EXOC7: variants seen among roughly 807,000 people sequenced by gnomAD.
EXOC7 encodes the protein exocyst complex component 7, also known as exocyst complex component Exo70.
A neutral mutation model predicts 87.6 loss-of-function variants in EXOC7; 51 were observed. The ratio of observed to expected loss-of-function variants is 0.58; its 90% CI spans 0.46 to 0.73. The LOEUF (loss-of-function observed/expected upper bound fraction) is 0.73. Ranked by LOEUF, EXOC7 falls within the 30% of genes least tolerant of loss-of-function variation. The pLI is 0.00. For missense variants in EXOC7, 744 were observed against 888.4 expected (o/e 0.84, Z 2.07); for synonymous variants, 327 against 357.1 (o/e 0.92, Z 0.95).
rs1420200855 is a variant in EXOC7, at chr17:76,081,698, C to T, written c.*1950G>A. On this transcript the variant is annotated 3_prime_UTR_variant, in exon 19 of 19. Transcript: ENST00000589210. The stretch of plus-strand genomic sequence containing the variant: ...GACATTGCTGCTGAGTTACCTCGTC[C>T]TCCACTCCTCCCTGGTGCAGGCCCT... The T allele has an allele frequency of 1.2e-6, 2 of 1,614,138 alleles. No homozygotes were observed. Among genetic ancestry groups the T allele is most frequent in the Non-Finnish European group, 1.7e-6 (2 of 1,180,026 alleles).
chr17:76,094,671 C>G lies in EXOC7; in HGVS notation c.641-90G>C, dbSNP rs567446439. 1.2e-5 allele frequency: 16 copies of G among 1,353,076 alleles called. No individual in the cohort carries two copies. The East Asian group carries it at 3.7e-4, about 31-fold the overall frequency. The allele number at this position is 1,353,076 out of a possible 1,614,324, so 83.8% of individuals were successfully genotyped here. On this transcript the variant is annotated intron_variant, in intron 5 of 18. Transcript: ENST00000589210. ...ATGTCTACCTGTCAAACCTGTCAAC[C>G]CTTCTTAGCATCTGCTCCCTGCTCT...
chr17:76,090,769 T>C, intron 7 of EXOC7: 1 of 514,908 alleles, frequency 1.9e-6, no homozygotes, highest in Non-Finnish European at 3.5e-6. Context: ...CTGCACACAC[T>C]CCCCTTTCTA....
Position 76,087,811 on chromosome 17 carries a change from C to T in EXOC7, c.1363-91G>A, listed in dbSNP as rs553983443. 5.7e-6 allele frequency: 8 copies of T among 1,404,392 alleles called. No homozygotes were observed. The South Asian group carries it at 9.9e-5, about 17-fold the overall frequency. 87.0% of individuals were successfully genotyped at this position (1,404,392 alleles called of 1,614,324 possible). On this transcript the variant is annotated intron_variant, in intron 11 of 18. Coordinates refer to ENST00000589210, the MANE Select transcript of EXOC7 (RefSeq NM_001013839.4). ...CCCCTCTGAGTGCCCAGGGCCAGCC[C>T]AGGGCTGGGATCCGCCCAGTGAAGA...
At chr17:76,086,953 G>A (rs2067239727) in intron 12 of EXOC7, 1 of 1,465,958 alleles carries the variant, frequency 6.8e-7, no homozygotes, top group Non-Finnish European at 9.3e-7. Context: ...GAGGGAGAAA[G>A]ATGCAAAGTG....
At chr17:76,084,417 C>T in intron 16 of EXOC7, 100 bp downstream of exon 16, 1 of 1,564,734 alleles carries the variant, frequency 6.4e-7, no homozygotes, top group African/African-American at 1.3e-5. Context: ...ATCCTTTGCT[C>T]TCTGATCCCA....
intron 6 of EXOC7, 113 bp downstream of exon 6, chr17:76,094,301 C>A: frequency 8.1e-7 from 1 of 1,231,882 alleles, no homozygotes; most frequent in Non-Finnish European, 1.1e-6. Context: ...TCGGGGTTAC[C>A]ACGACGACAA....
intron 7 of EXOC7, chr17:76,090,859 A>C: frequency 3.8e-6 from 2 of 532,488 alleles, no homozygotes; most frequent in Non-Finnish European, 6.7e-6. Context: ...CCCCAAGACA[A>C]ATAACTTTTT....
intron 7 of EXOC7, 78 bp from the exon 8 acceptor site, chr17:76,089,398 G>C (rs752261727): frequency 1.8e-4 from 286 of 1,563,788 alleles, no homozygotes; most frequent in Non-Finnish European, 2.4e-4. Context: ...GGGTCCCCCA[G>C]CTCCTGGCCT....
At position 76,082,007 on chromosome 17, in the gene EXOC7, G is replaced by T. The variant is rs1437638243; in HGVS notation, c.*1641C>A. 2.5e-6 allele frequency: 4 copies of T among 1,611,542 alleles called. No homozygotes were observed. Among genetic ancestry groups the T allele is most frequent in the South Asian group, 1.1e-5 (1 of 90,944 alleles). The stretch of plus-strand genomic sequence containing the variant: ...CGGCCCCAGCCCAGCCCCGAGAGGG[G>T]AACAGCGAGAGCACGGCAACCCAGG... On this transcript the variant is annotated 3_prime_UTR_variant, in exon 19 of 19. Coordinates refer to ENST00000589210, the MANE Select transcript of EXOC7 (RefSeq NM_001013839.4).
Position 76,084,241 on chromosome 17 carries a change from G to A in EXOC7, c.1818+7C>T, listed in dbSNP as rs118102690. 14,886 of 1,611,834 alleles carry A rather than the reference G, an allele frequency of 9.2e-3. 100 individuals carry two copies. Among genetic ancestry groups the A allele is most frequent in the Non-Finnish European group, 0.011 (12,395 of 1,178,620 alleles). On this transcript the variant is annotated splice_region_variant and intron_variant, in intron 17 of 18. Coordinates refer to ENST00000589210, the MANE Select transcript of EXOC7 (RefSeq NM_001013839.4). ...CAAGCAGTGGAGGGGAGAGGACCCC[G>A]ACTCACCTTAAAACGCTCCTTGATA... is the stretch of plus-strand genomic sequence containing the variant.
rs759896218 is a variant in EXOC7 at position 76,081,418 on chromosome 17, A to C, written c.*2230T>G. The C allele has an allele frequency of 6.2e-7, 1 of 1,613,834 alleles. No homozygotes were observed. Among genetic ancestry groups the C allele is most frequent in the Non-Finnish European group, 8.5e-7 (1 of 1,179,912 alleles). On this transcript the variant is annotated 3_prime_UTR_variant, in exon 19 of 19. Transcript: ENST00000589210. ...CCAGGTGACGGTGAGTCAAGTCGGG[A>C]GGAGGCCGACAGAGGGCTGCTGGAG...
At chr17:76,085,977 T>G in intron 13 of EXOC7, 103 bp downstream of exon 13, 1 of 1,522,518 alleles carries the variant, frequency 6.6e-7, no homozygotes, top group Non-Finnish European at 8.9e-7. Context: ...CAGATGGCAC[T>G]TAGGAGAGGG....
chr17:76,096,196 CA>C (rs1366742458), intron 5 of EXOC7, among the ~76,000 whole-genome samples: 3 of 152,108 alleles, frequency 2.0e-5, no homozygotes, highest in Non-Finnish European at 4.4e-5. Flanking sequence ...TACACACAAA[CA>C]AAGAGAAGAG....
chr17:76,103,477 A>T (rs2144721671), intron 1 of EXOC7, 51 bp from the exon 2 acceptor site: 1 of 1,559,710 alleles, frequency 6.4e-7, no homozygotes, highest in East Asian at 2.3e-5. Flanking sequence ...GCTAAAGGAG[A>T]CCACTGCGTC....
At chr17:76,099,958 T>C (rs1214169016) in intron 4 of EXOC7, among the ~76,000 whole-genome samples, 3 of 152,018 alleles carry the variant, frequency 2.0e-5, no homozygotes, top group Non-Finnish European at 4.4e-5. Context: ...AAAACTTAGC[T>C]GGGTATGGTT....
rs201743900 is a variant in EXOC7, at chr17:76,089,300, C to T, written c.922G>A (p.Val308Met). 21 of 1,614,054 alleles carry T rather than the reference C, an allele frequency of 1.3e-5. No individual in the cohort carries two copies. Among genetic ancestry groups the T allele is most frequent in the Admixed American group, 1.2e-4 (7 of 60,022 alleles). Residue 308 changes from valine (V) to methionine (M), a missense_variant, in exon 8 of 19, where the codon GTG (valine) becomes ATG (methionine). Physicochemically the swap from Val to Met is conservative, Grantham distance 21 (BLOSUM62 1). Coordinates refer to ENST00000589210, the MANE Select transcript of EXOC7 (RefSeq NM_001013839.4). ...PLEGRDDMLD[V>M]ETDAYIHCVS... is the part of the protein sequence containing the mutation. ...CAGTGGATGTAGGCATCGGTCTCCACGTCCAGCATGTCATCTCTCCCTGGG... is the reference window on the plus strand; with the variant it reads ...CAGTGGATGTAGGCATCGGTCTCCATGTCCAGCATGTCATCTCTCCCTGGG...
In EXOC7 at chr17:76,083,721, G is replaced by T; in HGVS notation, c.1982C>A (p.Pro661Gln). 1 of 1,613,484 alleles carries T rather than the reference G, an allele frequency of 6.2e-7. No homozygotes were observed. The highest frequency in any genetic ancestry group is 1.3e-5 in the African/African-American group (1 of 75,036). ...CACCCCGTACTTGATGTACTTCTCC[G>T]GGTTCTTGGTGAAGGGCACGCTGCC... ...KFGSVPFTKN[P>Q]EKYIKYGVEQ... The change falls in exon 19 of 19, where the codon CCG becomes CAG. Residue 661 changes from proline (P) to glutamine (Q), a missense_variant. Around this residue, in one of 3 missense-constraint regions of EXOC7, gnomAD observed 228 missense variants for 298.6 expected, o/e 0.76. Coordinates refer to ENST00000589210, the MANE Select transcript of EXOC7 (RefSeq NM_001013839.4).
At chr17:76,090,406 A>G (rs944033743) in intron 7 of EXOC7, 1 of 1,551,694 alleles carries the variant, frequency 6.4e-7, no homozygotes, top group Admixed American at 2.0e-5. Context: ...ACCTGGCGAG[A>G]TGTCGGCCGC....
intron 7 of EXOC7, chr17:76,089,635 A>G: frequency 2.4e-6 from 1 of 415,610 alleles, no homozygotes; most frequent in Non-Finnish European, 4.5e-6. Flanking sequence ...CGTCCTGGAT[A>G]AGGTGGTTTG....
Sources: allele counts gnomAD v4.1 joint callset (sites outside exome capture counted in the v4.1 genomes callset), GRCh38; gene constraint gnomAD v4.1.1; regional missense constraint gnomAD v4.1.1; transcripts MANE v1.5; gene names NCBI Gene and HGNC (gene_info 2026-07-23, HGNC 2026-07-21).